The following DNMT1 variants were observed in gnomAD, a reference collection of about 807,000 sequenced individuals.
DNMT1 encodes the protein DNA (cytosine-5)-methyltransferase 1.
In DNMT1, 24 loss-of-function variants were observed where a neutral mutation model predicts 205.3. The observed-to-expected ratio is 0.12, with a 90% CI of 0.08 to 0.16. DNMT1 has a LOEUF of 0.16. DNMT1 is among the 10% of genes least tolerant of loss of function. The pLI is 1.00. For synonymous variants in DNMT1, 817 were observed against 839.8 expected (o/e 0.97, Z 0.47); for missense variants, 1,293 against 2,177.7 (o/e 0.59, Z 8.09).
chr19:10,189,323 G>A lies in DNMT1; in HGVS notation c.80+5497C>T, dbSNP rs145031444. On this transcript the variant is annotated intron_variant, in intron 1 of 40. Transcript: ENST00000359526. ...TTTTTAGTAGAGACGGGGTTTCACC[G>A]TGTTAGCCAGGATGGTCTCGATCTC... is the stretch of plus-strand genomic sequence containing the variant. Among the ~76,000 whole-genome samples, 645 of 151,914 alleles carry A rather than the reference G, an allele frequency of 4.2e-3. 7 individuals are homozygous for A. Among genetic ancestry groups the A allele is most frequent in the African/African-American group, 0.015 (605 of 41,432 alleles).
chr19:10,138,355 A>T lies in DNMT1; in HGVS notation c.4115+84T>A. ...ATGCTGTACCATCCTCTCCTCCCCA[A>T]GCCTCACCAGGGAGTACTCACGGGC... is the stretch of plus-strand genomic sequence containing the variant. On this transcript the variant is annotated intron_variant, in intron 35 of 40. Transcript: ENST00000359526. This position sits in a 1 kb window ranked among gnomAD's most constrained non-coding sequence, Gnocchi z 4.1. The T allele has an allele frequency of 6.2e-7, 1 of 1,600,750 alleles. No individual in the cohort carries two copies. The highest frequency in any genetic ancestry group is 1.7e-5 in the Admixed American group (1 of 59,798).
intron 22 of DNMT1, among the ~76,000 whole-genome samples, chr19:10,153,471 T>TACAAATACA (rs2038391096): frequency 1.3e-5 from 2 of 151,670 alleles, no homozygotes; most frequent in South Asian, 4.2e-4. Context: ...CCATCTCTAC[T>TACAAATACA]AAAAATACAA....
At chr19:10,141,938 A>G in intron 30 of DNMT1, 90 bp downstream of exon 30, 1 of 1,493,934 alleles carries the variant, frequency 6.7e-7, no homozygotes, top group Non-Finnish European at 9.1e-7. Flanking sequence ...GAAACCCTGC[A>G]GCCAAGCCGC....
In DNMT1 at chr19:10,173,326, T is replaced by TA. The variant is rs1281494862; in HGVS notation, c.684-153dup. On this transcript the variant is annotated intron_variant, in intron 8 of 40. Transcript: ENST00000359526. Reference sequence around the variant, plus strand: ...TACTCATTTAACATTTAGTATTTGATATGACTTTTACACCTGGTTCGAATG... The same window carrying TA: ...TACTCATTTAACATTTAGTATTTGATAATGACTTTTACACCTGGTTCGAATG... 1.8e-5 allele frequency: 14 copies of TA among 772,480 alleles called. No individual in the cohort carries two copies. In the Admixed American group the frequency reaches 3.0e-4, roughly 17 times the overall value. The allele number at this position is 772,480 out of a possible 1,614,324, so 47.9% of individuals were successfully genotyped here.
chr19:10,186,873 A>C (rs1464106348), intron 1 of DNMT1, among the ~76,000 whole-genome samples: 2 of 151,222 alleles, frequency 1.3e-5, no homozygotes, highest in Non-Finnish European at 2.9e-5. Context: ...ATATATAAAC[A>C]ACCACAGAGG....
At chr19:10,174,087 C>T (rs1397037101) in intron 7 of DNMT1, among the ~76,000 whole-genome samples, 182 bp from the exon 8 acceptor site, 2 of 152,100 alleles carry the variant, frequency 1.3e-5, no homozygotes, top group African/African-American at 4.8e-5. Context: ...TAATCCCCAC[C>T]AACCCCAAAA....
intron 1 of DNMT1, among the ~76,000 whole-genome samples, chr19:10,182,514 CATATATAT>C (rs1469743560): frequency 1.0e-4 from 12 of 116,512 alleles, no homozygotes; most frequent in Non-Finnish European, 2.1e-4. Flanking sequence ...TATATATATA[CATATATAT>C]GTGTATATGT....
chr19:10,191,290 A>G (rs999158402), intron 1 of DNMT1, among the ~76,000 whole-genome samples: 7 of 151,976 alleles, frequency 4.6e-5, no homozygotes, highest in Non-Finnish European at 1.0e-4. Flanking sequence ...CAATTAAAAA[A>G]AAAAAAAAAT....
At position 10,142,069 on chromosome 19, in the gene DNMT1, C is replaced by A. The variant is rs1194144103; in HGVS notation, c.3268G>T (p.Val1090Leu). ...CGGTTGGGGCCGCCCATGGAGTACA[C>A]CTGGACGCACTCGGGCAGGTCCTCC... ...YGEDLPECVQ[V>L]YSMGGPNRFY... Residue 1090 changes from valine to leucine, a missense_variant, in exon 30 of 41, where the codon GTG (valine) becomes TTG (leucine). Val to Leu is a conservative substitution (Grantham distance 32). Around this residue, in one of 13 missense-constraint regions of DNMT1, gnomAD observed 167 missense variants for 258.1 expected, o/e 0.65. Coordinates refer to ENST00000359526, the MANE Select transcript of DNMT1 (RefSeq NM_001130823.3). 6.2e-7 allele frequency: 1 copy of A among 1,611,662 alleles called. No homozygotes were observed. Among genetic ancestry groups the A allele is most frequent in the South Asian group, 1.1e-5 (1 of 91,052 alleles).
intron 1 of DNMT1, among the ~76,000 whole-genome samples, chr19:10,191,902 A>G (rs1054312883): frequency 2.0e-5 from 3 of 151,874 alleles, no homozygotes; most frequent in Non-Finnish European, 4.4e-5. Context: ...GCAACGGTGC[A>G]ATCTCGGCTC....
At chr19:10,153,297 A>C (rs1005838737) in intron 22 of DNMT1, among the ~76,000 whole-genome samples, 1 of 152,212 alleles carries the variant, frequency 6.6e-6, no homozygotes, top group African/African-American at 2.4e-5. Context: ...TGAAATAACT[A>C]GATCTACCAG....
At position 10,138,291 on chromosome 19, in the gene DNMT1, GCAGAGTGC is replaced by G. The variant is rs548479350; in HGVS notation, c.4115+140_4115+147del. On this transcript the variant is annotated intron_variant, in intron 35 of 40. Coordinates refer to ENST00000359526, the MANE Select transcript of DNMT1 (RefSeq NM_001130823.3). The surrounding 1 kb of genome is among the most constrained non-coding windows in gnomAD (Gnocchi z 4.1). ...GGGTCAGAACTGGAGACCACAGGTG[GCAGAGTGC>G]CATGTGGCAGAGCACCGTGTGGCAG... 9.0e-4 allele frequency: 1,148 copies of G among 1,279,698 alleles called. 11 individuals carry two copies. The South Asian group carries it at 0.014, about 16-fold the overall frequency. The allele number at this position is 1,279,698 out of a possible 1,614,324, so 79.3% of individuals were successfully genotyped here. A position where few individuals can be genotyped will look rare whatever the true frequency, so the allele number is the denominator to read the frequency against.
At chr19:10,157,707 G>A (rs1189147996) in intron 17 of DNMT1, among the ~76,000 whole-genome samples, 1 of 152,218 alleles carries the variant, frequency 6.6e-6, no homozygotes, top group Admixed American at 6.5e-5. Flanking sequence ...CTCCCCTACT[G>A]CGTACCAGGC....
chr19:10,135,959 C>T (rs1370358817), intron 38 of DNMT1, 107 bp from the exon 39 acceptor site: 13 of 1,486,612 alleles, frequency 8.7e-6, no homozygotes, highest in Admixed American at 4.0e-5. Context: ...ATGGCCTTGG[C>T]CTATGAGCTT....
rs963677259 is a variant in DNMT1 at position 10,141,529 on chromosome 19, A to C, written c.3310-340T>G. On this transcript the variant is annotated intron_variant, in intron 30 of 40. Coordinates refer to ENST00000359526, the MANE Select transcript of DNMT1 (RefSeq NM_001130823.3). ...GTGGATGTATCGTTTTAAGGTAACA[A>C]CACGGAAAGGCCAAGCCCCAACAAT... 10 of 381,940 alleles carry C rather than the reference A, an allele frequency of 2.6e-5. No individual in the cohort carries two copies. The East Asian group carries it at 6.3e-4, about 24-fold the overall frequency. The allele number at this position is 381,940 out of a possible 1,614,324, so 23.7% of individuals were successfully genotyped here.
chr19:10,183,766 A>T (rs2039125934), intron 1 of DNMT1, among the ~76,000 whole-genome samples: 1 of 152,144 alleles, frequency 6.6e-6, no homozygotes. Flanking sequence ...AATCCCAGCA[A>T]CTTGGGAGGC....
intron 11 of DNMT1, among the ~76,000 whole-genome samples, chr19:10,164,434 C>T (rs1051320328): frequency 3.4e-4 from 52 of 152,118 alleles, no homozygotes; most frequent in African/African-American, 1.2e-3. Flanking sequence ...TGAGACACCG[C>T]GCCTGGCTTA....
intron 9 of DNMT1, among the ~76,000 whole-genome samples, chr19:10,170,466 CT>C (rs1476230016): frequency 1.3e-5 from 2 of 151,986 alleles, no homozygotes; most frequent in East Asian, 3.9e-4. Flanking sequence ...TGGTGAACCC[CT>C]GTCTCTACTA....
Position 10,145,699 on chromosome 19 carries a change from G to C in DNMT1, c.2894+652C>G, listed in dbSNP as rs188918798. ...GCACTTTCAACTCACTCAACCCTTC[G>C]AGCCCCAGCAGGCAAGATCCCACTC... On this transcript the variant is annotated intron_variant, in intron 28 of 40. Coordinates refer to ENST00000359526, the MANE Select transcript of DNMT1 (RefSeq NM_001130823.3). Among the ~76,000 whole-genome samples, 3 of 152,216 alleles carry C rather than the reference G, an allele frequency of 2.0e-5. No homozygotes were observed. In the East Asian group the frequency reaches 5.8e-4, roughly 29 times the overall value.
Sources: gnomAD v4.1 joint callset for allele counts (sites outside exome capture counted in the v4.1 genomes callset) on GRCh38, gnomAD v4.1.1 for gene constraint, gnomAD v4.1.1 regional missense constraint, Gnocchi (gnomAD v3.1) non-coding constraint, MANE v1.5 for transcripts, NCBI Gene and HGNC (gene_info 2026-07-23, HGNC 2026-07-21) for gene names.